FHIT: variants seen among roughly 807,000 people sequenced by gnomAD.
The protein encoded by FHIT is bis(5'-adenosyl)-triphosphatase.
A neutral mutation model predicts 17.9 loss-of-function variants in FHIT; 19 were observed. The observed-to-expected ratio is 1.06, with a 90% CI of 0.74 to 1.56. FHIT has a LOEUF of 1.56. FHIT is among the 40% of genes most tolerant of loss of function. FHIT has a pLI of 0.00. For missense variants in FHIT, 248 were observed against 189.2 expected (o/e 1.31, Z -1.82); for synonymous variants, 81 against 69.7 (o/e 1.16, Z -0.81).
intron 4 of FHIT, among the ~76,000 whole-genome samples, chr3:60,808,014 T>C (rs146470680): frequency 1.7e-4 from 26 of 152,332 alleles, no homozygotes; most frequent in Admixed American, 8.5e-4. Flanking sequence ...GAATAGGCCA[T>C]GAACATTTTT....
At chr3:60,611,197 G>C (rs2038774697) in intron 4 of FHIT, among the ~76,000 whole-genome samples, 1 of 152,176 alleles carries the variant, frequency 6.6e-6, no homozygotes, top group Non-Finnish European at 1.5e-5. Context: ...GGGGTGCCAA[G>C]CATGGGCTAG....
At chr3:61,023,992 G>A (rs1247772115) in intron 3 of FHIT, among the ~76,000 whole-genome samples, 1 of 152,082 alleles carries the variant, frequency 6.6e-6, no homozygotes. Context: ...AGCCAAAATT[G>A]ACAAATGGGA....
At chr3:60,121,709 A>AACAAAACAAAAACACACACAC (rs1705261038) in intron 5 of FHIT, among the ~76,000 whole-genome samples, 59 of 116,416 alleles carry the variant, frequency 5.1e-4, no homozygotes, top group African/African-American at 1.9e-3. Flanking sequence ...AAACAAAACA[A>AACAAAACAAAAACACACACAC]ACACACACAC....
chr3:60,245,981 A>G, intron 5 of FHIT, among the ~76,000 whole-genome samples: 1 of 152,116 alleles, frequency 6.6e-6, no homozygotes, highest in East Asian at 1.9e-4. Context: ...ATATAAAAAA[A>G]ATTTTCTTAA....
At chr3:60,792,569 A>C (rs1313964872) in intron 4 of FHIT, among the ~76,000 whole-genome samples, 1 of 152,246 alleles carries the variant, frequency 6.6e-6, no homozygotes, top group Non-Finnish European at 1.5e-5. Context: ...GACAACCAGC[A>C]GACCTGTTGC....
At chr3:60,791,117 G>A (rs1216864562) in intron 4 of FHIT, among the ~76,000 whole-genome samples, 9 of 152,164 alleles carry the variant, frequency 5.9e-5, no homozygotes, top group Non-Finnish European at 1.3e-4. Flanking sequence ...TGGGAAAATA[G>A]AGTAGGAGAG....
In FHIT at chr3:61,145,417, T is replaced by G. The variant is rs905827798; in HGVS notation, c.-164+55200A>C. Among the ~76,000 whole-genome samples the G allele has an allele frequency of 3.9e-5, 6 of 152,268 alleles. No homozygotes were observed. In the East Asian group the frequency reaches 1.2e-3, roughly 29 times the overall value. On this transcript the variant is annotated intron_variant, in intron 2 of 9. Coordinates refer to ENST00000492590, the MANE Select transcript of FHIT (RefSeq NM_002012.4). ...TAGTACCACACAGCCTTAATTGCTA[T>G]AGCTTTGTAGTAAGTTTTGAAACTA...
At chr3:60,710,737 C>T (rs1219597006) in intron 4 of FHIT, among the ~76,000 whole-genome samples, 9 of 152,324 alleles carry the variant, frequency 5.9e-5, no homozygotes, top group Admixed American at 5.2e-4. Flanking sequence ...ACCGCCATTG[C>T]CCAGGCTCAC....
At chr3:61,027,483 C>T (rs1575864272) in intron 3 of FHIT, among the ~76,000 whole-genome samples, 1 of 152,224 alleles carries the variant, frequency 6.6e-6, no homozygotes, top group South Asian at 2.1e-4. Flanking sequence ...TGTATCTCTT[C>T]CTAATTCACT....
At chr3:60,592,408 T>A (rs370490175) in intron 4 of FHIT, among the ~76,000 whole-genome samples, 5 of 151,908 alleles carry the variant, frequency 3.3e-5, no homozygotes, top group African/African-American at 1.2e-4. Context: ...AAAATAACAA[T>A]GGCTTAAGCA....
At chr3:61,195,976 T>G (rs539464248) in intron 2 of FHIT, among the ~76,000 whole-genome samples, 14 of 152,260 alleles carry the variant, frequency 9.2e-5, no homozygotes, top group African/African-American at 3.1e-4. Context: ...ACCATTCGGC[T>G]TAGCAACAGA....
At position 60,783,332 on chromosome 3, in the gene FHIT, C is replaced by T. The variant is rs367743816; in HGVS notation, c.-18+38587G>A. Reference sequence around the variant, plus strand: ...CAGTGTGGCTTTTTGCATTGAACAACGATAAGTTAATGGAAGTTTAACATA... The same window carrying T: ...CAGTGTGGCTTTTTGCATTGAACAATGATAAGTTAATGGAAGTTTAACATA... On this transcript the variant is annotated intron_variant, in intron 4 of 9. Coordinates refer to ENST00000492590, the MANE Select transcript of FHIT (RefSeq NM_002012.4). 1.5e-3 allele frequency among the ~76,000 whole-genome samples: 231 copies of T among 152,186 alleles called. 2 individuals are homozygous for T. Among genetic ancestry groups the T allele is most frequent in the African/African-American group, 4.8e-3 (200 of 41,516 alleles).
At chr3:61,236,031 A>C (rs2040221516) in intron 1 of FHIT, among the ~76,000 whole-genome samples, 2 of 151,790 alleles carry the variant, frequency 1.3e-5, no homozygotes, top group Non-Finnish European at 2.9e-5. Context: ...CTCACAACTA[A>C]CCAATGAGGT....
chr3:61,171,681 C>A (rs28660311), intron 2 of FHIT, among the ~76,000 whole-genome samples: 1 of 152,198 alleles, frequency 6.6e-6, no homozygotes, highest in Non-Finnish European at 1.5e-5. Flanking sequence ...CTAAACATCA[C>A]CACTCACTAC....
intron 4 of FHIT, among the ~76,000 whole-genome samples, chr3:60,684,928 C>CA (rs1412257646): frequency 9.2e-5 from 14 of 152,092 alleles, no homozygotes; most frequent in South Asian, 2.1e-4. Flanking sequence ...ACAGCAGATA[C>CA]AAAAAATATA....
intron 7 of FHIT, among the ~76,000 whole-genome samples, chr3:59,933,799 G>A (rs1706089857): frequency 6.6e-6 from 1 of 152,118 alleles, no homozygotes; most frequent in Non-Finnish European, 1.5e-5. Context: ...TTCATGCCAG[G>A]AAATTTTATT....
intron 5 of FHIT, among the ~76,000 whole-genome samples, chr3:60,467,208 A>T (rs892982958): frequency 6.6e-6 from 1 of 151,584 alleles, no homozygotes; most frequent in Non-Finnish European, 1.5e-5. Flanking sequence ...ATCAATTGTA[A>T]TGTCTCCTTT....
chr3:60,190,489 C>T lies in FHIT; in HGVS notation c.104-176337G>A, dbSNP rs757227059. On this transcript the variant is annotated intron_variant, in intron 5 of 9. Coordinates refer to ENST00000492590, the MANE Select transcript of FHIT (RefSeq NM_002012.4). ...GAGGGCTGGGCACGGTGGCTCACAC[C>T]TGTAATCCCAGCACTTTAGGAGTCC... Among the ~76,000 whole-genome samples, 42 of 152,164 alleles carry T rather than the reference C, an allele frequency of 2.8e-4. 1 individual carries two copies. The Middle Eastern group carries it at 0.014, about 49-fold the overall frequency.
intron 7 of FHIT, among the ~76,000 whole-genome samples, chr3:59,965,001 A>C (rs1409009080): frequency 1.3e-5 from 2 of 152,158 alleles, no homozygotes; most frequent in East Asian, 3.9e-4. Context: ...GTCTTATTCA[A>C]GGGAAAATCA....
Sources: gnomAD v4.1 joint callset for allele counts (sites outside exome capture counted in the v4.1 genomes callset) on GRCh38, gnomAD v4.1.1 for gene constraint, MANE v1.5 for transcripts, NCBI Gene and HGNC (gene_info 2026-07-23, HGNC 2026-07-21) for gene names.